KCNC4: variants seen among roughly 807,000 people sequenced by gnomAD.
KCNC4 encodes the protein voltage-gated potassium channel KCNC4.
KCNC4 carries 23 observed loss-of-function variants against 42.8 expected under a neutral mutation model. That is an observed-to-expected ratio of 0.54 (90% CI 0.39 to 0.76). The LOEUF (loss-of-function observed/expected upper bound fraction) is 0.76, where lower values mean the gene tolerates loss of function less well. Among genes scored for constraint, KCNC4 ranks in the 30% least tolerant of loss-of-function variants. The probability of loss-of-function intolerance (pLI) is 0.00; values close to 1 mark genes in which losing one functional copy is unlikely to be tolerated. For synonymous variants in KCNC4, 422 were observed against 393.5 expected (o/e 1.07, Z -0.86); for missense variants, 751 against 898.2 (o/e 0.84, Z 2.10).
At chr1:110,266,329 A>AG (rs1659540290) in intron 1 of KCNC4, among the ~76,000 whole-genome samples, 1 of 152,108 alleles carries the variant, frequency 6.6e-6, no homozygotes, top group Non-Finnish European at 1.5e-5. Flanking sequence ...CTGAGTGAGG[A>AG]GGGGAGGGGC....
intron 1 of KCNC4, among the ~76,000 whole-genome samples, chr1:110,268,678 C>G (rs1436221989): frequency 6.8e-6 from 1 of 147,826 alleles, no homozygotes; most frequent in African/African-American, 2.5e-5. Context: ...CTCGGGAAGA[C>G]AGGCTTGAGA....
At position 110,233,491 on chromosome 1, in the gene KCNC4, T is replaced by C. The variant is rs1658815223; in HGVS notation, c.*519T>C. ...CTGCCCCCTAGGGTCACTGCTTCACTAGCCGCACCCCACCCCAGATTGGGG... is the reference window on the plus strand; with the variant it reads ...CTGCCCCCTAGGGTCACTGCTTCACCAGCCGCACCCCACCCCAGATTGGGG... On this transcript the variant is annotated 3_prime_UTR_variant, in exon 4 of 4. Transcript: ENST00000438661. 1.2e-5 allele frequency: 2 copies of C among 160,132 alleles called. No homozygotes were observed. The highest frequency in any genetic ancestry group is 1.2e-4 in the Admixed American group (2 of 16,748). The allele number at this position is 160,132 out of a possible 1,614,324, so 9.9% of individuals were successfully genotyped here.
At position 110,210,877 on chromosome 1, in the gene KCNC4, G is replaced by A. The variant is rs1571015819; in HGVS notation, c.-623G>A. Among the ~76,000 whole-genome samples the A allele has an allele frequency of 6.6e-6, 1 of 152,142 alleles. No homozygotes were observed. Among genetic ancestry groups the A allele is most frequent in the Admixed American group, 6.5e-5 (1 of 15,280 alleles). On this transcript the variant is annotated 5_prime_UTR_variant, in exon 1 of 4. Transcript: ENST00000438661. ...CCGCCTGCCTTCCTCGCCCGGCGCT[G>A]GATTTATGAATGGGGGGAAGAGGCC...
chr1:110,213,274 T>C (rs1315426544), intron 1 of KCNC4, among the ~76,000 whole-genome samples: 2 of 146,626 alleles, frequency 1.4e-5, no homozygotes, highest in East Asian at 4.1e-4. Context: ...GTCAGCAGCC[T>C]AAAGCCTGGC....
chr1:110,224,873 C>T (rs948706508), intron 2 of KCNC4: 2 of 152,358 alleles, frequency 1.3e-5, no homozygotes, highest in African/African-American at 2.4e-5. Context: ...AGCTCTGGGG[C>T]AAAGTGGGAC....
intron 1 of KCNC4, among the ~76,000 whole-genome samples, chr1:110,265,022 A>G (rs1659512624): frequency 6.7e-6 from 1 of 149,446 alleles, no homozygotes; most frequent in African/African-American, 2.5e-5. Flanking sequence ...CGGAGGTTGC[A>G]GTGAGCCGAG....
rs77824987 is a variant in KCNC4 at position 110,219,273 on chromosome 1, C to T, written c.679-3691C>T. ...GCTGCACGCAGAGGACCCTAACCCT[C>T]CTCAACTCTTATCTCCATTTTATGG... is the stretch of plus-strand genomic sequence containing the variant. On this transcript the variant is annotated intron_variant, in intron 1 of 3. Coordinates refer to ENST00000438661, the MANE Select transcript of KCNC4 (RefSeq NM_001039574.3). Among the ~76,000 whole-genome samples the T allele has an allele frequency of 9.3e-3, 1,423 of 152,344 alleles. 27 individuals are homozygous for T. The highest frequency in any genetic ancestry group is 0.033 in the African/African-American group (1,360 of 41,566).
At chr1:110,270,374 C>A (rs1252477928) in intron 1 of KCNC4, among the ~76,000 whole-genome samples, 3 of 152,052 alleles carry the variant, frequency 2.0e-5, no homozygotes, top group African/African-American at 7.2e-5. Context: ...TTAAGGACTG[C>A]GTGATTAAGA....
chr1:110,213,170 T>TAAAA (rs760587471), intron 1 of KCNC4, among the ~76,000 whole-genome samples: 516 of 50,842 alleles, frequency 0.01, 54 homozygotes, highest in Middle Eastern at 0.026. Flanking sequence ...CTTCGACAGC[T>TAAAA]AAAAAAAAAA....
intron 2 of KCNC4, chr1:110,224,113 G>A: frequency 1.7e-6 from 1 of 572,760 alleles, no homozygotes; most frequent in Non-Finnish European, 3.1e-6. Flanking sequence ...TCTTTGGAGT[G>A]AGTATTCCAC....
downstream of KCNC4, chr1:110,235,800 G>C (rs1423285554): frequency 1.3e-5 from 2 of 152,240 alleles, no homozygotes; most frequent in African/African-American, 4.8e-5. Context: ...TTGTTTAAAA[G>C]AATAAGACAG....
intron 1 of KCNC4, among the ~76,000 whole-genome samples, chr1:110,255,506 G>T (rs190897992): frequency 6.6e-6 from 1 of 152,276 alleles, no homozygotes; most frequent in East Asian, 1.9e-4. Flanking sequence ...AGACAGAGCC[G>T]GGTGTATTTT....
downstream of KCNC4, among the ~76,000 whole-genome samples, chr1:110,251,096 G>T (rs1005919519): frequency 6.6e-6 from 1 of 152,166 alleles, no homozygotes; most frequent in African/African-American, 2.4e-5. Context: ...TGCCTGCAGG[G>T]TAGAGTGGTC....
At position 110,210,890 on chromosome 1, in the gene KCNC4, G is replaced by C. The variant is rs1009947732; in HGVS notation, c.-610G>C. Among the ~76,000 whole-genome samples, 2 of 152,116 alleles carry C rather than the reference G, an allele frequency of 1.3e-5. No individual in the cohort carries two copies. Among genetic ancestry groups the C allele is most frequent in the Non-Finnish European group, 2.9e-5 (2 of 68,020 alleles). On this transcript the variant is annotated 5_prime_UTR_variant, in exon 1 of 4. Transcript: ENST00000438661. ...TCGCCCGGCGCTGGATTTATGAATG[G>C]GGGGAAGAGGCCACATGCCGCCGCC...
exon 4 of KCNC4, chr1:110,247,231 CT>C (rs869153723): frequency 3.9e-3 from 537 of 137,994 alleles, no homozygotes; most frequent in East Asian, 6.4e-3. Context: ...AGTGCAGGTA[CT>C]TTTTTTTTTT....
At chr1:110,271,189 G>A (rs1659627742) in intron 1 of KCNC4, among the ~76,000 whole-genome samples, 1 of 152,222 alleles carries the variant, frequency 6.6e-6, no homozygotes, top group Non-Finnish European at 1.5e-5. Context: ...TCAGAGGTGG[G>A]AAGGTTGTGA....
intron 1 of KCNC4, among the ~76,000 whole-genome samples, chr1:110,215,977 TC>T (rs1299109608): frequency 6.6e-6 from 1 of 152,176 alleles, no homozygotes; most frequent in African/African-American, 2.4e-5. Context: ...TCTTATCTGT[TC>T]CTTTACTTCT....
At chr1:110,258,674 C>G (rs1453568319) in intron 1 of KCNC4, among the ~76,000 whole-genome samples, 1 of 152,242 alleles carries the variant, frequency 6.6e-6, no homozygotes, top group Non-Finnish European at 1.5e-5. Context: ...TGCCCAGAGT[C>G]ACCTAGGCTA....
chr1:110,225,964 G>T lies in KCNC4; in HGVS notation c.1616-11G>T, dbSNP rs747495485. ...CCCTCATGCAGCCTCCTTTCTGTGT[G>T]CCCCCTTCAGACTCTAAGCAGAATG... On this transcript the variant is annotated splice_polypyrimidine_tract_variant and intron_variant, in intron 2 of 3. Transcript: ENST00000438661. The T allele has an allele frequency of 3.2e-6, 5 of 1,568,936 alleles. No homozygotes were observed. The highest frequency in any genetic ancestry group is 4.3e-6 in the Non-Finnish European group (5 of 1,153,286).
Sources: allele counts gnomAD v4.1 joint callset (sites outside exome capture counted in the v4.1 genomes callset), GRCh38; gene constraint gnomAD v4.1.1; transcripts MANE v1.5; gene names NCBI Gene and HGNC (gene_info 2026-07-23, HGNC 2026-07-21).